The following PLCG2 variants were observed in gnomAD, a reference collection of about 807,000 sequenced individuals.
PLCG2 encodes the protein phospholipase C gamma 2, also known as 1-phosphatidylinositol 4,5-bisphosphate phosphodiesterase gamma-2.
A neutral mutation model predicts 175.6 loss-of-function variants in PLCG2; 69 were observed. The observed-to-expected ratio is 0.39, with a 90% CI of 0.32 to 0.48. The LOEUF (loss-of-function observed/expected upper bound fraction) is 0.48, where lower values mean the gene tolerates loss of function less well. Ranked by LOEUF, PLCG2 falls within the 20% of genes least tolerant of loss-of-function variation. The pLI, the probability that PLCG2 is intolerant of heterozygous loss-of-function variation, is 0.91. For missense variants in PLCG2, 1,798 were observed against 1,650.9 expected, an observed-to-expected ratio of 1.09 and a Z score of -1.54; for synonymous variants, 827 against 624.0, an observed-to-expected ratio of 1.33 and a Z score of -4.85.
chr16:81,872,212 C>A (rs1597365990), intron 7 of PLCG2, among the ~76,000 whole-genome samples: 1 of 152,240 alleles, frequency 6.6e-6, no homozygotes. Context: ...CCCGTAATCC[C>A]AGCTACTTGG....
At chr16:81,885,386 A>G (rs1908310158) in intron 9 of PLCG2, among the ~76,000 whole-genome samples, 1 of 150,692 alleles carries the variant, frequency 6.6e-6, no homozygotes, top group African/African-American at 2.4e-5. Context: ...CTGATCTCCA[A>G]CTCCTGGGCT....
rs1911806215 is a variant in PLCG2 at position 81,962,277 on chromosome 16, T to C, written c.*4279T>C. On this transcript the variant is annotated 3_prime_UTR_variant, in exon 33 of 33. Coordinates refer to ENST00000564138, the MANE Select transcript of PLCG2 (RefSeq NM_002661.5). Reference sequence around the variant, plus strand: ...AAGGAAAATAGCTTAACCTTCAACCTGTGTGACATTTAACTTTTTGAACCC... The same window carrying C: ...AAGGAAAATAGCTTAACCTTCAACCCGTGTGACATTTAACTTTTTGAACCC... 5.1e-6 allele frequency: 1 copy of C among 197,054 alleles called. No homozygotes were observed. The allele number at this position is 197,054 out of a possible 1,614,324, so 12.2% of individuals were successfully genotyped here. A position where few individuals can be genotyped will look rare whatever the true frequency, so the allele number is the denominator to read the frequency against.
rs117044854 is a variant in PLCG2 at position 81,796,031 on chromosome 16, C to A, written c.193+9849C>A. The stretch of plus-strand genomic sequence containing the variant: ...GAGGGTACAGAGGCAGCTCTAGGTG[C>A]CCCAGTGAAGGCTGATAAGCAGGTT... On this transcript the variant is annotated intron_variant, in intron 2 of 32. Transcript: ENST00000564138. 6.5e-4 allele frequency among the ~76,000 whole-genome samples: 99 copies of A among 152,330 alleles called. 1 individual carries two copies. The East Asian group carries it at 0.019, about 28-fold the overall frequency.
At chr16:81,836,125 C>T (rs371543332) in intron 2 of PLCG2, among the ~76,000 whole-genome samples, 113 of 152,296 alleles carry the variant, frequency 7.4e-4, no homozygotes, top group African/African-American at 2.6e-3. Flanking sequence ...AGGACAAGAC[C>T]AGAGTCATTT....
At chr16:81,777,960 TG>T (rs1371419064), upstream of PLCG2, among the ~76,000 whole-genome samples, 1 of 142,538 alleles carries the variant, frequency 7.0e-6, no homozygotes, top group Non-Finnish European at 1.5e-5. Context: ...GAGGTTGCAG[TG>T]AGCCGAGATC....
intron 8 of PLCG2, among the ~76,000 whole-genome samples, chr16:81,882,337 G>A (rs1042696585): frequency 6.6e-5 from 10 of 152,082 alleles, no homozygotes; most frequent in African/African-American, 2.4e-4. Context: ...CCTAACCTCT[G>A]CTTGGTCCAG....
At chr16:81,778,857 C>G (rs1003234599), upstream of PLCG2, among the ~76,000 whole-genome samples, 9 of 152,318 alleles carry the variant, frequency 5.9e-5, no homozygotes, top group Non-Finnish European at 1.2e-4. Flanking sequence ...CTCGGCCACA[C>G]CCATCCTAGC....
intron 10 of PLCG2, among the ~76,000 whole-genome samples, chr16:81,890,687 C>T (rs1267336744): frequency 6.6e-6 from 1 of 152,096 alleles, no homozygotes; most frequent in East Asian, 1.9e-4. Flanking sequence ...AGCGACTGAC[C>T]CATATGAGGT....
At chr16:81,838,150 C>G (rs1305025383) in intron 2 of PLCG2, among the ~76,000 whole-genome samples, 11 of 151,350 alleles carry the variant, frequency 7.3e-5, no homozygotes, top group Middle Eastern at 3.4e-3. Context: ...TTGATCTTGG[C>G]TCACTGCAAC....
At chr16:81,945,287 C>G (rs922654217) in intron 30 of PLCG2, among the ~76,000 whole-genome samples, 2 of 152,166 alleles carry the variant, frequency 1.3e-5, no homozygotes, top group Non-Finnish European at 2.9e-5. Context: ...TTGGGCATTA[C>G]TTGGAGAATC....
In PLCG2 at chr16:81,944,864, G is replaced by C. The variant is rs565346332; in HGVS notation, c.3482-1311G>C. Reference sequence around the variant, plus strand: ...AACGAGTCCCCCATAGATATCAAGGGCCAACTGTAGAGTAAAAGTTTCGTA... The same window carrying C: ...AACGAGTCCCCCATAGATATCAAGGCCCAACTGTAGAGTAAAAGTTTCGTA... On this transcript the variant is annotated intron_variant, in intron 30 of 32. Coordinates refer to ENST00000564138, the MANE Select transcript of PLCG2 (RefSeq NM_002661.5). Among the ~76,000 whole-genome samples the C allele has an allele frequency of 5.6e-4, 85 of 152,216 alleles. 2 individuals are homozygous for C. Among genetic ancestry groups the C allele is most frequent in the Admixed American group, 4.2e-3 (64 of 15,294 alleles).
intron 2 of PLCG2, among the ~76,000 whole-genome samples, chr16:81,772,738 G>A (rs1468706976): frequency 6.6e-6 from 1 of 152,198 alleles, no homozygotes; most frequent in East Asian, 1.9e-4. Flanking sequence ...TAACCAGGGA[G>A]GTGGAGGTTG....
chr16:81,883,082 A>C (rs1908168076), intron 8 of PLCG2, among the ~76,000 whole-genome samples, 187 bp from the exon 9 acceptor site: 1 of 151,988 alleles, frequency 6.6e-6, no homozygotes, highest in African/African-American at 2.4e-5. Context: ...GGTCCCTCTG[A>C]ATCCTTGTAG....
In PLCG2 at chr16:81,891,589, A is replaced by T; in HGVS notation, c.985A>T (p.Thr329Ser). The change falls in exon 11 of 33, where the codon ACG becomes TCG. Residue 329 changes from threonine (T) to serine (S), a missense_variant and splice_region_variant. By Grantham distance (58) the Thr-to-Ser change is moderately conservative. Transcript: ENST00000564138. The part of the protein sequence containing the change: ...SHYWISSSHN[T>S]YLTGDQLRSE... ...TTACTGGATCTCCTCGTCACATAACACGTGAGTTTCAGATGAGCCTGTGAT... is the reference window on the plus strand; with the variant it reads ...TTACTGGATCTCCTCGTCACATAACTCGTGAGTTTCAGATGAGCCTGTGAT... The T allele has an allele frequency of 6.4e-7, 1 of 1,550,474 alleles. No individual in the cohort carries two copies. Among genetic ancestry groups the T allele is most frequent in the Non-Finnish European group, 8.9e-7 (1 of 1,122,502 alleles).
chr16:81,769,213 C>T (rs1910219227), intron 2 of PLCG2, among the ~76,000 whole-genome samples: 1 of 152,212 alleles, frequency 6.6e-6, no homozygotes, highest in Non-Finnish European at 1.5e-5. Context: ...ATGGTTGCCG[C>T]AGGTAAAACC....
chr16:81,895,432 C>A (rs916306547), intron 12 of PLCG2, among the ~76,000 whole-genome samples: 3 of 152,068 alleles, frequency 2.0e-5, no homozygotes, highest in Non-Finnish European at 1.5e-5. Context: ...TGATGGTACG[C>A]GCCTGTAGTC....
At chr16:81,844,869 G>T (rs1399249348) in intron 2 of PLCG2, among the ~76,000 whole-genome samples, 2 of 152,178 alleles carry the variant, frequency 1.3e-5, no homozygotes, top group Non-Finnish European at 2.9e-5. Flanking sequence ...AGGAGTTTTT[G>T]TCATGTCGGT....
At chr16:81,874,954 T>TTTTTTTTTTGTTC (rs1907700607) in intron 7 of PLCG2, among the ~76,000 whole-genome samples, 1 of 57,948 alleles carries the variant, frequency 1.7e-5, no homozygotes, top group African/African-American at 4.1e-5. Context: ...ATGTGTTTTT[T>TTTTTTTTTTGTTC]TTTTTTTTTT....
intron 2 of PLCG2, among the ~76,000 whole-genome samples, chr16:81,822,688 T>A: frequency 7.4e-6 from 1 of 135,656 alleles, no homozygotes; most frequent in South Asian, 2.3e-4. Context: ...ACCCGGGAGG[T>A]GAAGGTTGTA....
Sources: allele counts gnomAD v4.1 joint callset (sites outside exome capture counted in the v4.1 genomes callset), GRCh38; gene constraint gnomAD v4.1.1; transcripts MANE v1.5; gene names NCBI Gene and HGNC (gene_info 2026-07-23, HGNC 2026-07-21).